The following RBM19 variants were observed in gnomAD, a reference collection of about 807,000 sequenced individuals.
RBM19 encodes the protein RNA binding motif protein 19.
A neutral mutation model predicts 116.8 loss-of-function variants in RBM19; 94 were observed. That is an observed-to-expected ratio of 0.80 (90% CI 0.68 to 0.95). The LOEUF is 0.95. Among genes scored for constraint, RBM19 ranks in the 40% least tolerant of loss-of-function variants. The pLI is 0.00. For synonymous variants in RBM19, 475 were observed against 494.1 expected, an observed-to-expected ratio of 0.96 and a Z score of 0.51; for missense variants, 1,161 against 1,220.7, an observed-to-expected ratio of 0.95 and a Z score of 0.73.
chr12:113,842,676 G>A (rs992832975), intron 23 of RBM19, among the ~76,000 whole-genome samples: 3 of 152,222 alleles, frequency 2.0e-5, no homozygotes, highest in Admixed American at 6.5e-5. Context: ...AAGTTACAAC[G>A]TGGCAAGAAG....
At position 113,895,850 on chromosome 12, in the gene RBM19, T is replaced by G. The variant is rs61500454; in HGVS notation, c.2558+19119A>C. 6.0e-3 allele frequency among the ~76,000 whole-genome samples: 902 copies of G among 150,080 alleles called. 9 individuals carry two copies. The highest frequency in any genetic ancestry group is 0.021 in the African/African-American group (853 of 41,072). ...TATCTATTGGATTATATATAGAATATATACTATAGCTATATATAGGATTAC... is the reference window on the plus strand; with the variant it reads ...TATCTATTGGATTATATATAGAATAGATACTATAGCTATATATAGGATTAC... On this transcript the variant is annotated intron_variant, in intron 21 of 23. Transcript: ENST00000261741.
chr12:113,861,832 A>G (rs2135747075), intron 21 of RBM19, among the ~76,000 whole-genome samples: 1 of 152,262 alleles, frequency 6.6e-6, no homozygotes, highest in Non-Finnish European at 1.5e-5. Context: ...GTAGGCAGGG[A>G]TCAGGGAGCT....
chr12:113,905,286 C>CGGG (rs1179458462), intron 21 of RBM19, among the ~76,000 whole-genome samples: 4 of 152,174 alleles, frequency 2.6e-5, no homozygotes, highest in African/African-American at 9.7e-5. Flanking sequence ...AGATTAGAGT[C>CGGG]AGAAGCAGAC....
Position 113,914,993 on chromosome 12 carries a change from C to G in RBM19, c.2534G>C (p.Ser845Thr). 1 of 1,614,162 alleles carries G rather than the reference C, an allele frequency of 6.2e-7. No homozygotes were observed. Among genetic ancestry groups the G allele is most frequent in the Non-Finnish European group, 8.5e-7 (1 of 1,179,988 alleles). The change falls in exon 21 of 24, where the codon AGC becomes ACC. Residue 845 changes from serine to threonine, a missense_variant. Transcript: ENST00000261741. ...LVRNIPFQAH[S>T]REIRELFSTF... is the part of the protein sequence containing the mutation. ...CCTGAAGAGCTCTCGGATCTCCCGG[C>G]TGTGGGCCTGGAAGGGGATGTTCCG...
chr12:113,958,226 C>G (rs1872150186), intron 5 of RBM19, among the ~76,000 whole-genome samples, 176 bp from the exon 6 acceptor site: 1 of 152,160 alleles, frequency 6.6e-6, no homozygotes, highest in Admixed American at 6.5e-5. Context: ...CAAAACGGGG[C>G]AGGGCTACTG....
intron 21 of RBM19, among the ~76,000 whole-genome samples, chr12:113,906,962 G>A (rs1277113400): frequency 4.6e-5 from 7 of 152,066 alleles, no homozygotes; most frequent in Admixed American, 4.6e-4. Flanking sequence ...GGCAGAGACG[G>A]GACTGACACA....
chr12:113,946,257 C>T, intron 12 of RBM19, 97 bp downstream of exon 12: 2 of 1,541,262 alleles, frequency 1.3e-6, no homozygotes, highest in Non-Finnish European at 8.9e-7. Flanking sequence ...GAACTAAACC[C>T]ATCAGGAGTC....
Position 113,861,308 on chromosome 12 carries a change from G to A in RBM19, c.2559-2412C>T, listed in dbSNP as rs186696870. Among the ~76,000 whole-genome samples, 11 of 152,284 alleles carry A rather than the reference G, an allele frequency of 7.2e-5. No homozygotes were observed. In the East Asian group the frequency reaches 1.7e-3, roughly 24 times the overall value. ...GAATGCCCTGTGTGGACTCCCAGGG[G>A]TCCAGTGACTTCCCTAAGACCACCA... On this transcript the variant is annotated intron_variant, in intron 21 of 23. Transcript: ENST00000261741.
intron 21 of RBM19, among the ~76,000 whole-genome samples, chr12:113,871,923 T>G (rs1222861300): frequency 6.6e-6 from 1 of 151,802 alleles, no homozygotes; most frequent in Non-Finnish European, 1.5e-5. Flanking sequence ...AGTGCCGAGA[T>G]TGCAGCCTCT....
At chr12:113,819,324 C>A (rs1319384352), downstream of RBM19, among the ~76,000 whole-genome samples, 2 of 152,206 alleles carry the variant, frequency 1.3e-5, no homozygotes, top group African/African-American at 4.8e-5. Flanking sequence ...GTCCCTTTGG[C>A]CCCTCTGGCC....
chr12:113,872,505 C>A (rs1440130241), intron 21 of RBM19, among the ~76,000 whole-genome samples: 2 of 130,438 alleles, frequency 1.5e-5, no homozygotes, highest in Non-Finnish European at 3.4e-5. Context: ...CCAGCCGCCC[C>A]ATCCGGGAGG....
chr12:113,853,029 C>G (rs1327217989), intron 22 of RBM19, among the ~76,000 whole-genome samples: 1 of 152,232 alleles, frequency 6.6e-6, no homozygotes. Context: ...CATCATTGGT[C>G]CCTTCCACTA....
rs1329890081 is a variant in RBM19 at position 113,822,434 on chromosome 12, G to C, written c.*790C>G. The C allele has an allele frequency of 1.3e-5, 2 of 152,206 alleles. No homozygotes were observed. Among genetic ancestry groups the C allele is most frequent in the Admixed American group, 6.5e-5 (1 of 15,286 alleles). The allele number at this position is 152,206 out of a possible 1,614,324, so 9.4% of individuals were successfully genotyped here. On this transcript the variant is annotated 3_prime_UTR_variant, in exon 24 of 24. Coordinates refer to ENST00000261741, the MANE Select transcript of RBM19 (RefSeq NM_016196.4). Reference sequence around the variant, plus strand: ...AGGGCTCTGGGCCCGTGAGCAGAACGCGTCCACCATGAGTGACATCATTCA... The same window carrying C: ...AGGGCTCTGGGCCCGTGAGCAGAACCCGTCCACCATGAGTGACATCATTCA...
chr12:113,936,913 C>G, intron 16 of RBM19, 94 bp downstream of exon 16: 1 of 1,492,800 alleles, frequency 6.7e-7, no homozygotes, highest in African/African-American at 1.4e-5. Flanking sequence ...AGCTTTAAAC[C>G]AGAGGCTTGA....
intron 21 of RBM19, among the ~76,000 whole-genome samples, chr12:113,908,390 C>G (rs552828977): frequency 1.1e-3 from 172 of 151,942 alleles, no homozygotes; most frequent in African/African-American, 4.1e-3. Context: ...GTCACGGCCA[C>G]TGCAAGAGGA....
At chr12:113,858,918 T>C (rs750277749) in intron 21 of RBM19, 22 bp from the exon 22 acceptor site, 20 of 1,610,094 alleles carry the variant, frequency 1.2e-5, no homozygotes, top group East Asian at 2.2e-5. Flanking sequence ...AGGCAAGACA[T>C]AGGGGTTTAA....
At chr12:113,837,099 A>AT (rs1876014626) in intron 23 of RBM19, among the ~76,000 whole-genome samples, 1 of 150,150 alleles carries the variant, frequency 6.7e-6, no homozygotes, top group Non-Finnish European at 1.5e-5. Context: ...ACATACATAC[A>AT]TACATACATA....
chr12:113,913,158 T>C (rs2135850004), intron 21 of RBM19, among the ~76,000 whole-genome samples: 1 of 152,324 alleles, frequency 6.6e-6, no homozygotes, highest in Middle Eastern at 3.4e-3. Context: ...TCATCCTAAA[T>C]ATACTGCAGA....
chr12:113,823,103 AG>A lies in RBM19; in HGVS notation c.*120del, dbSNP rs1874550437. On this transcript the variant is annotated 3_prime_UTR_variant, in exon 24 of 24. Coordinates refer to ENST00000261741, the MANE Select transcript of RBM19 (RefSeq NM_016196.4). Reference sequence around the variant, plus strand: ...GTCTCCTCCGACCTTGGACCAGTGCAGGGTGGGGCCGCCTGCCGCTCCCCGC... The same window carrying A: ...GTCTCCTCCGACCTTGGACCAGTGCAGGTGGGGCCGCCTGCCGCTCCCCGC... The A allele has an allele frequency of 2.3e-6, 2 of 861,206 alleles. No homozygotes were observed. Among genetic ancestry groups the A allele is most frequent in the Non-Finnish European group, 3.6e-6 (2 of 559,638 alleles). The allele number at this position is 861,206 out of a possible 1,614,324, so 53.3% of individuals were successfully genotyped here. A position where few individuals can be genotyped will look rare whatever the true frequency, so the allele number is the denominator to read the frequency against.
Sources: gnomAD v4.1 joint callset for allele counts (sites outside exome capture counted in the v4.1 genomes callset) on GRCh38, gnomAD v4.1.1 for gene constraint, MANE v1.5 for transcripts, NCBI Gene and HGNC (gene_info 2026-07-23, HGNC 2026-07-21) for gene names.